The following UNC13A variants were observed in gnomAD, a reference collection of about 807,000 sequenced individuals.
UNC13A encodes unc-13 homolog A.
UNC13A carries 61 observed loss-of-function variants against 219.7 expected under a neutral mutation model. The ratio of observed to expected loss-of-function variants is 0.28; its 90% CI spans 0.23 to 0.34. The LOEUF (loss-of-function observed/expected upper bound fraction) is 0.34, where lower values mean the gene tolerates loss of function less well. UNC13A is among the 10% of genes least tolerant of loss of function. The probability of loss-of-function intolerance (pLI) is 1.00; values close to 1 mark genes in which losing one functional copy is unlikely to be tolerated. For missense variants in UNC13A, 1,476 were observed against 2,270.3 expected (o/e 0.65, Z 7.11); for synonymous variants, 920 against 884.6 (o/e 1.04, Z -0.71).
At chr19:17,662,919 CAAA>C (rs35777969) in intron 8 of UNC13A, among the ~76,000 whole-genome samples, 5 of 74,196 alleles carry the variant, frequency 6.7e-5, no homozygotes, top group Admixed American at 1.5e-4. Context: ...GACTCCGTCT[CAAA>C]AAAAAAAAAA....
intron 31 of UNC13A, chr19:17,628,407 C>CA (rs1486745059): frequency 5.4e-6 from 1 of 183,810 alleles, no homozygotes; most frequent in Non-Finnish European, 1.1e-5. Flanking sequence ...CACACACTCA[C>CA]ACCACGCACA....
At chr19:17,613,776 C>T (rs1192485058) in intron 41 of UNC13A, 14 of 142,962 alleles carry the variant, frequency 9.8e-5, no homozygotes, top group Admixed American at 3.8e-4. Flanking sequence ...AGTGCAATGG[C>T]GAAATCTCGG....
intron 6 of UNC13A, among the ~76,000 whole-genome samples, chr19:17,667,682 C>A (rs2079683183): frequency 6.6e-6 from 1 of 151,840 alleles, no homozygotes; most frequent in African/African-American, 2.4e-5. Flanking sequence ...ACCGTGTTGG[C>A]CAGGCTGGTC....
At chr19:17,665,187 G>C (rs1290863270) in intron 7 of UNC13A, among the ~76,000 whole-genome samples, 4 of 140,048 alleles carry the variant, frequency 2.9e-5, no homozygotes, top group Non-Finnish European at 4.6e-5. Context: ...GTGACAGAGG[G>C]AGACTCTATC....
At chr19:17,631,175 C>A (rs868768067) in intron 28 of UNC13A, among the ~76,000 whole-genome samples, 5 of 25,532 alleles carry the variant, frequency 2.0e-4, no homozygotes, top group African/African-American at 5.0e-4. Context: ...CCCTCCCTCC[C>A]TCCTTTCCTT....
At chr19:17,616,664 C>G (rs895880744) in intron 41 of UNC13A, among the ~76,000 whole-genome samples, 1 of 152,106 alleles carries the variant, frequency 6.6e-6, no homozygotes, top group Non-Finnish European at 1.5e-5. Flanking sequence ...CAGACAGCCT[C>G]CTGCTCCAGG....
At chr19:17,669,978 G>C (rs1444921090) in intron 4 of UNC13A, among the ~76,000 whole-genome samples, 1 of 118,996 alleles carries the variant, frequency 8.4e-6, no homozygotes, top group South Asian at 2.6e-4. Flanking sequence ...ACAGAGTCTC[G>C]CTCTGTCGCC....
In UNC13A at chr19:17,640,504, G is replaced by C; in HGVS notation, c.2787+7C>G. 4 of 1,548,614 alleles carry C rather than the reference G, an allele frequency of 2.6e-6. No homozygotes were observed. The highest frequency in any genetic ancestry group is 3.5e-6 in the Non-Finnish European group (4 of 1,146,382). ...CTAATTCTCCAATCCCAGTCCCCAG[G>C]ACTGACCCCAAAGTTGGAGGCGGCG... On this transcript the variant is annotated splice_region_variant and intron_variant, in intron 22 of 43. Coordinates refer to ENST00000519716, the MANE Select transcript of UNC13A (RefSeq NM_001080421.3).
intron 19 of UNC13A, among the ~76,000 whole-genome samples, chr19:17,645,216 C>G (rs2077013204): frequency 6.6e-6 from 1 of 151,650 alleles, no homozygotes; most frequent in South Asian, 2.1e-4. Flanking sequence ...ACCATGTTAG[C>G]CAGGCTGGTC....
chr19:17,606,504 G>T, intron 43 of UNC13A, 150 bp from the exon 44 acceptor site: 1 of 1,194,254 alleles, frequency 8.4e-7, no homozygotes, highest in Non-Finnish European at 1.1e-6. Flanking sequence ...CCCCTGCCCC[G>T]TTACTTGACC....
chr19:17,611,576 T>G (rs1026229236), intron 42 of UNC13A, among the ~76,000 whole-genome samples, 187 bp downstream of exon 42: 4 of 152,128 alleles, frequency 2.6e-5, no homozygotes, highest in Non-Finnish European at 5.9e-5. Context: ...ATGGAGAAAG[T>G]GGGATTCAGT....
intron 20 of UNC13A, among the ~76,000 whole-genome samples, chr19:17,642,377 CCCA>C (rs1483106937): frequency 1.3e-5 from 2 of 152,162 alleles, no homozygotes; most frequent in African/African-American, 4.8e-5. Context: ...CACGAATCTA[CCCA>C]CCAACTCATC....
At chr19:17,609,664 C>T (rs920602615) in intron 43 of UNC13A, among the ~76,000 whole-genome samples, 5 of 152,202 alleles carry the variant, frequency 3.3e-5, no homozygotes, top group African/African-American at 9.7e-5. Context: ...ACTTTCCCTC[C>T]CCTCTGCAAG....
chr19:17,632,584 C>A (rs2076868067), intron 28 of UNC13A, among the ~76,000 whole-genome samples, 198 bp downstream of exon 28: 1 of 79,748 alleles, frequency 1.3e-5, no homozygotes, highest in Non-Finnish European at 2.7e-5. Flanking sequence ...CACATGGTTC[C>A]TGTTGCTGTT....
chr19:17,637,497 A>C (rs142702436), intron 25 of UNC13A, among the ~76,000 whole-genome samples: 2,651 of 151,242 alleles, frequency 0.018, 96 homozygotes, highest in African/African-American at 0.061. Context: ...ACGGGGTTTC[A>C]CTGTGTTAGC....
chr19:17,655,213 G>A, intron 11 of UNC13A, 61 bp downstream of exon 11: 1 of 1,370,752 alleles, frequency 7.3e-7, no homozygotes, highest in Non-Finnish European at 1.0e-6. Flanking sequence ...ACATGTGTGG[G>A]CCTGCCATTG....
Position 17,649,619 on chromosome 19 carries a change from G to A in UNC13A, c.1440-32C>T. 1.2e-6 allele frequency: 2 copies of A among 1,611,068 alleles called. No homozygotes were observed. Among genetic ancestry groups the A allele is most frequent in the South Asian group, 1.1e-5 (1 of 91,006 alleles). On this transcript the variant is annotated intron_variant, in intron 12 of 43. Transcript: ENST00000519716. The surrounding 1 kb of genome is among the most constrained non-coding windows in gnomAD (Gnocchi z 4.4). ...GACACAGAGGGACACTGAGGGCCCAGATGTCCCTATTCCTCACATAGAGCC... is the reference window on the plus strand; with the variant it reads ...GACACAGAGGGACACTGAGGGCCCAAATGTCCCTATTCCTCACATAGAGCC...
Position 17,603,519 on chromosome 19 carries a change from C to T in UNC13A, c.*2535G>A, listed in dbSNP as rs974503045. The T allele has an allele frequency of 6.6e-6, 1 of 152,240 alleles. No individual in the cohort carries two copies. Among genetic ancestry groups the T allele is most frequent in the South Asian group, 2.1e-4 (1 of 4,830 alleles). 9.4% of individuals were successfully genotyped at this position (152,240 alleles called of 1,614,324 possible). On this transcript the variant is annotated 3_prime_UTR_variant, in exon 44 of 44. Transcript: ENST00000519716. ...TTATCCCTGGCTACAACTTCCCAAC[C>T]CTGTATGAGAATTTGCATTTTAACC...
rs922387888 is a variant in UNC13A at position 17,630,142 on chromosome 19, C to T, written c.3669+3G>A. 1.3e-6 allele frequency: 2 copies of T among 1,551,746 alleles called. No individual in the cohort carries two copies. Among genetic ancestry groups the T allele is most frequent in the African/African-American group, 1.4e-5 (1 of 73,030 alleles). On this transcript the variant is annotated splice_donor_region_variant and intron_variant, in intron 30 of 43. Coordinates refer to ENST00000519716, the MANE Select transcript of UNC13A (RefSeq NM_001080421.3). ...AGCCCCAACCCTACCCACTCTCCCA[C>T]ACCTTGGCAAAGCGCCTCATGTAGT...
Sources: gnomAD v4.1 joint callset for allele counts (sites outside exome capture counted in the v4.1 genomes callset) on GRCh38, gnomAD v4.1.1 for gene constraint, Gnocchi (gnomAD v3.1) non-coding constraint, MANE v1.5 for transcripts, NCBI Gene and HGNC (gene_info 2026-07-23, HGNC 2026-07-21) for gene names.